Variants in SLC30A8 observed in about 807,000 individuals in gnomAD.
The protein encoded by SLC30A8 is solute carrier family 30 member 8, also known as proton-coupled zinc antiporter SLC30A8.
In SLC30A8, 27 loss-of-function variants were observed where a neutral mutation model predicts 36.9. The observed-to-expected ratio is 0.73, with a 90% CI of 0.54 to 1.01. The LOEUF is 1.01. SLC30A8 is among the 50% of genes least tolerant of loss of function. The pLI is 0.00. For missense variants in SLC30A8, 439 were observed against 452.0 expected (o/e 0.97, Z 0.26); for synonymous variants, 164 against 172.4 (o/e 0.95, Z 0.38).
In SLC30A8 at chr8:117,135,212, C is replaced by A. The variant is rs527882623; in HGVS notation, c.-116C>A. On this transcript the variant is annotated 5_prime_UTR_variant, in exon 1 of 8. Coordinates refer to ENST00000456015, the MANE Select transcript of SLC30A8 (RefSeq NM_173851.3). Reference sequence around the variant, plus strand: ...AAGCTCATTATTTTAATTTCTGGAGCCTTTTAATTTTTTCTTTAGAAAGTG... The same window carrying A: ...AAGCTCATTATTTTAATTTCTGGAGACTTTTAATTTTTTCTTTAGAAAGTG... 1.7e-6 allele frequency: 1 copy of A among 592,558 alleles called. No individual in the cohort carries two copies. The highest frequency in any genetic ancestry group is 4.2e-5 in the South Asian group (1 of 23,736). The allele number at this position is 592,558 out of a possible 1,614,324, so 36.7% of individuals were successfully genotyped here.
intron 2 of SLC30A8, among the ~76,000 whole-genome samples, chr8:117,122,498 G>A (rs1820731640): frequency 6.6e-6 from 1 of 151,990 alleles, no homozygotes; most frequent in Admixed American, 6.6e-5. Context: ...TACAAGGCTT[G>A]TAACTCTTAA....
chr8:116,987,755 G>A (rs1016100936), intron 1 of SLC30A8, among the ~76,000 whole-genome samples: 4 of 152,114 alleles, frequency 2.6e-5, no homozygotes, highest in African/African-American at 9.7e-5. Flanking sequence ...GAGTGCAGTG[G>A]CACGATCTCT....
chr8:117,003,265 A>G (rs1194241417), intron 1 of SLC30A8, among the ~76,000 whole-genome samples: 2 of 152,182 alleles, frequency 1.3e-5, no homozygotes, highest in Admixed American at 6.5e-5. Flanking sequence ...ACAAAATGGT[A>G]TTGTCAACAC....
At position 117,157,852 on chromosome 8, in the gene SLC30A8, A is replaced by G. The variant is rs1383228511; in HGVS notation, c.572+8A>G. ...AGTGGCGGCCAACATTGTGTAAGTC[A>G]TCCCCTGGTCCCCACACACTGCTCA... On this transcript the variant is annotated splice_region_variant and intron_variant, in intron 4 of 7. Transcript: ENST00000456015. The G allele has an allele frequency of 1.2e-6, 2 of 1,613,784 alleles. No individual in the cohort carries two copies. Among genetic ancestry groups the G allele is most frequent in the South Asian group, 1.1e-5 (1 of 91,052 alleles).
intron 1 of SLC30A8, among the ~76,000 whole-genome samples, chr8:117,140,376 T>TA (rs1821594866): frequency 6.6e-6 from 1 of 151,826 alleles, no homozygotes; most frequent in African/African-American, 2.4e-5. Context: ...TGTTGAATAT[T>TA]AATCTACACA....
At chr8:117,170,170 A>C (rs1039415306) in intron 6 of SLC30A8, among the ~76,000 whole-genome samples, 1 of 152,188 alleles carries the variant, frequency 6.6e-6, no homozygotes, top group African/African-American at 2.4e-5. Context: ...TAACTTAGTC[A>C]TCAGGATTTC....
intron 1 of SLC30A8, among the ~76,000 whole-genome samples, chr8:117,016,051 G>C (rs777102853): frequency 6.6e-6 from 1 of 152,144 alleles, no homozygotes; most frequent in Non-Finnish European, 1.5e-5. Context: ...AAGAGAGAAG[G>C]GGGATAATAC....
chr8:117,060,038 A>G (rs1817983495), intron 2 of SLC30A8, among the ~76,000 whole-genome samples: 1 of 152,168 alleles, frequency 6.6e-6, no homozygotes, highest in African/African-American at 2.4e-5. Context: ...TTTTGAGCTC[A>G]AGATGCCATT....
chr8:117,125,398 T>A (rs2130910307), intron 2 of SLC30A8, among the ~76,000 whole-genome samples: 1 of 152,198 alleles, frequency 6.6e-6, no homozygotes, highest in African/African-American at 2.4e-5. Context: ...TTTCCATTCC[T>A]ACTTCTTGAG....
chr8:116,994,646 C>T (rs1177709306), intron 1 of SLC30A8, among the ~76,000 whole-genome samples: 1 of 152,066 alleles, frequency 6.6e-6, no homozygotes, highest in Non-Finnish European at 1.5e-5. Context: ...GAGGGACTTC[C>T]AGTCCTGGTA....
At chr8:117,061,046 A>G (rs1431407425) in intron 2 of SLC30A8, among the ~76,000 whole-genome samples, 1 of 152,152 alleles carries the variant, frequency 6.6e-6, no homozygotes, top group African/African-American at 2.4e-5. Context: ...AGTTTTATTC[A>G]GCAAGCCTGC....
At chr8:117,041,948 G>A (rs1472687449) in intron 2 of SLC30A8, among the ~76,000 whole-genome samples, 2 of 152,168 alleles carry the variant, frequency 1.3e-5, no homozygotes, top group African/African-American at 4.8e-5. Flanking sequence ...CCAATGAATA[G>A]TTCTACGCCA....
intron 2 of SLC30A8, among the ~76,000 whole-genome samples, chr8:117,101,739 A>G (rs1819732222): frequency 6.6e-6 from 1 of 152,234 alleles, no homozygotes; most frequent in East Asian, 1.9e-4. Flanking sequence ...AAGAATGTGG[A>G]AAGACTAGAC....
At chr8:117,047,030 G>A (rs1817574036) in intron 2 of SLC30A8, among the ~76,000 whole-genome samples, 1 of 152,192 alleles carries the variant, frequency 6.6e-6, no homozygotes. Flanking sequence ...TGGATTGCCT[G>A]CTTTTGGCTC....
chr8:117,157,734 G>T lies in SLC30A8; in HGVS notation c.462G>T (p.Val154=). 6.2e-7 allele frequency: 1 copy of T among 1,614,128 alleles called. No homozygotes were observed. The highest frequency in any genetic ancestry group is 1.1e-5 in the South Asian group (1 of 91,072). Residue 154 remains valine (V), a synonymous_variant, in exon 4 of 8, where the codon GTG becomes GTT. Coordinates refer to ENST00000456015, the MANE Select transcript of SLC30A8 (RefSeq NM_173851.3). ...ALLSILCIWV[V]TGVLVYLACE... ...TCTCCATCCTGTGCATCTGGGTGGT[G>T]ACTGGCGTGCTAGTGTACCTGGCAT...
At chr8:117,052,458 G>T (rs1332561040) in intron 2 of SLC30A8, among the ~76,000 whole-genome samples, 2 of 152,212 alleles carry the variant, frequency 1.3e-5, no homozygotes, top group African/African-American at 2.4e-5. Context: ...ACTATGTTTT[G>T]TATCAGCACA....
intron 2 of SLC30A8, among the ~76,000 whole-genome samples, chr8:117,076,198 C>A (rs763147171): frequency 7.2e-5 from 11 of 152,146 alleles, no homozygotes; most frequent in Non-Finnish European, 1.3e-4. Flanking sequence ...TTATATCATG[C>A]CAGATATGCC....
chr8:116,974,110 A>G (rs1055059528), intron 1 of SLC30A8, among the ~76,000 whole-genome samples: 8 of 152,232 alleles, frequency 5.3e-5, no homozygotes, highest in African/African-American at 1.9e-4. Context: ...AGGCAATACC[A>G]TTCAGGACAT....
At chr8:116,950,794 A>G (rs1005700587), upstream of SLC30A8, among the ~76,000 whole-genome samples, 12 of 152,188 alleles carry the variant, frequency 7.9e-5, no homozygotes, top group African/African-American at 2.9e-4. Flanking sequence ...TCTGAAATCC[A>G]CCAGTATTTT....
Sources: allele counts gnomAD v4.1 joint callset (sites outside exome capture counted in the v4.1 genomes callset), GRCh38; gene constraint gnomAD v4.1.1; transcripts MANE v1.5; gene names NCBI Gene and HGNC (gene_info 2026-07-23, HGNC 2026-07-21).